The following ABTB3 variants were observed in gnomAD, a reference collection of about 807,000 sequenced individuals.
The protein encoded by ABTB3 is ankyrin repeat and BTB domain containing 3.
At chr12:107,348,419 A>C in the ABTB3 span, among the ~76,000 whole-genome samples, 1 of 152,158 alleles carries the variant, frequency 6.6e-6, no homozygotes, top group East Asian at 1.9e-4. Flanking sequence ...TGTGGTGGTG[A>C]AGAAAACAGA....
the ABTB3 span, chr12:107,319,423 G>T: frequency 7.5e-6 from 12 of 1,606,586 alleles, no homozygotes; most frequent in Non-Finnish European, 9.3e-6. Context: ...CCAAGTACGA[G>T]ATCCAGAGCG....
the ABTB3 span, among the ~76,000 whole-genome samples, chr12:107,396,580 GA>G: frequency 3.6e-5 from 3 of 84,242 alleles, no homozygotes; most frequent in South Asian, 9.4e-4. Flanking sequence ...TGACAAAGAT[GA>G]ATTTTTTTTT....
the ABTB3 span, among the ~76,000 whole-genome samples, chr12:107,469,542 T>G: frequency 0.31 from 46,850 of 151,974 alleles, 7,697 homozygotes; most frequent in African/African-American, 0.43. Flanking sequence ...ACAGTGCCCG[T>G]CATGTACGGG....
At chr12:107,333,789 C>T in the ABTB3 span, among the ~76,000 whole-genome samples, 1 of 152,136 alleles carries the variant, frequency 6.6e-6, no homozygotes, top group African/African-American at 2.4e-5. Flanking sequence ...ACCCTATGTA[C>T]TAAACACACT....
the ABTB3 span, among the ~76,000 whole-genome samples, chr12:107,454,667 G>A: frequency 6.6e-6 from 1 of 152,162 alleles, no homozygotes; most frequent in Non-Finnish European, 1.5e-5. Flanking sequence ...GGGAAGGCAG[G>A]CCCTCGAGTG....
At chr12:107,440,103 A>G in the ABTB3 span, among the ~76,000 whole-genome samples, 1 of 152,152 alleles carries the variant, frequency 6.6e-6, no homozygotes, top group Non-Finnish European at 1.5e-5. Context: ...GCTCCTTACA[A>G]TCCAGCAGGG....
chr12:107,381,608 G>C, the ABTB3 span, among the ~76,000 whole-genome samples: 1 of 152,214 alleles, frequency 6.6e-6, no homozygotes, highest in Non-Finnish European at 1.5e-5. Flanking sequence ...AATGGATGAG[G>C]CTGGAAAGGA....
At chr12:107,518,357 A>G in the ABTB3 span, among the ~76,000 whole-genome samples, 1 of 152,200 alleles carries the variant, frequency 6.6e-6, no homozygotes, top group Admixed American at 6.5e-5. Context: ...ACTTGGAACC[A>G]ACCCAAATGT....
At chr12:107,512,186 C>T in the ABTB3 span, among the ~76,000 whole-genome samples, 1 of 152,178 alleles carries the variant, frequency 6.6e-6, no homozygotes, top group African/African-American at 2.4e-5. Context: ...GCAAAAGAAC[C>T]AGAGCTAATG....
chr12:107,319,611 G>C, the ABTB3 span: 1 of 1,536,510 alleles, frequency 6.5e-7, no homozygotes, highest in Non-Finnish European at 8.7e-7. Flanking sequence ...GTGGACAGCC[G>C]CGTGGCGCTG....
At chr12:107,398,915 C>T in the ABTB3 span, among the ~76,000 whole-genome samples, 1 of 152,254 alleles carries the variant, frequency 6.6e-6, no homozygotes, top group East Asian at 1.9e-4. Context: ...GGGTTGAGTT[C>T]TGTATGATCC....
chr12:107,516,680 G>A, the ABTB3 span, among the ~76,000 whole-genome samples: 2 of 152,202 alleles, frequency 1.3e-5, no homozygotes, highest in East Asian at 3.9e-4. Flanking sequence ...ATCAGGCAGT[G>A]GGGACGAGAG....
At chr12:107,527,359 C>T in the ABTB3 span, among the ~76,000 whole-genome samples, 1 of 152,270 alleles carries the variant, frequency 6.6e-6, no homozygotes, top group South Asian at 2.1e-4. Context: ...GCAACCTCCG[C>T]CTCCTGGGTT....
At chr12:107,648,322 A>G in the ABTB3 span, among the ~76,000 whole-genome samples, 1 of 150,966 alleles carries the variant, frequency 6.6e-6, no homozygotes, top group African/African-American at 2.4e-5. Flanking sequence ...TGGAGGTTGC[A>G]GTGAGCCAAG....
the ABTB3 span, among the ~76,000 whole-genome samples, chr12:107,451,200 C>T: frequency 6.6e-6 from 1 of 152,138 alleles, no homozygotes; most frequent in Admixed American, 6.5e-5. Context: ...TTTTCTTACT[C>T]TCTCTCACTC....
the ABTB3 span, among the ~76,000 whole-genome samples, chr12:107,536,104 A>G: frequency 1.3e-5 from 2 of 152,110 alleles, no homozygotes; most frequent in South Asian, 2.1e-4. Context: ...CAGCCAACTG[A>G]TTTTCAACAA....
the ABTB3 span, among the ~76,000 whole-genome samples, chr12:107,589,437 C>T: frequency 1.3e-5 from 2 of 152,188 alleles, no homozygotes; most frequent in Non-Finnish European, 2.9e-5. Flanking sequence ...TCCAGTGTTC[C>T]TCTGTGTGAC....
chr12:107,451,396 A>T, the ABTB3 span, among the ~76,000 whole-genome samples: 1 of 152,346 alleles, frequency 6.6e-6, no homozygotes, highest in Middle Eastern at 3.4e-3. Flanking sequence ...TGCGTTACGC[A>T]GTACTGAGCC....
chr12:107,561,799 C>A, the ABTB3 span, among the ~76,000 whole-genome samples: 1 of 152,148 alleles, frequency 6.6e-6, no homozygotes, highest in Non-Finnish European at 1.5e-5. Flanking sequence ...TAAGCTACTC[C>A]AATTCACACA....
Sources: gnomAD v4.1 joint callset for allele counts (sites outside exome capture counted in the v4.1 genomes callset) on GRCh38, gnomAD v4.1.1 for gene constraint, MANE v1.5 for transcripts, NCBI Gene and HGNC (gene_info 2026-07-23, HGNC 2026-07-21) for gene names.